The following SOCS3 variants were observed in gnomAD, a reference collection of about 807,000 sequenced individuals.
SOCS3 encodes STAT-induced STAT inhibitor 3.
A neutral mutation model predicts 11.7 loss-of-function variants in SOCS3; 5 were observed. That is an observed-to-expected ratio of 0.43 (90% confidence interval 0.22 to 0.90). The LOEUF is 0.90. SOCS3 is among the 40% of genes least tolerant of loss of function. SOCS3 has a pLI of 0.27. For missense variants in SOCS3, 203 were observed against 302.0 expected (o/e 0.67, Z 2.43); for synonymous variants, 143 against 136.3 (o/e 1.05, Z -0.34).
upstream of SOCS3, chr17:78,360,384 C>A (rs1386949369): frequency 2.0e-5 from 3 of 150,604 alleles, no homozygotes; most frequent in Non-Finnish European, 3.0e-5. This position sits in a 1 kb window ranked among gnomAD's most constrained non-coding sequence, Gnocchi z 5.6. Context: ...CCGCCCCCAA[C>A]TTCTCATTCA....
At position 78,357,111 on chromosome 17, in the gene SOCS3, CCCA is replaced by C. The variant is rs2081573548; in HGVS notation, c.*1304_*1306del. 1 of 152,272 alleles carries C rather than the reference CCCA, an allele frequency of 6.6e-6. No individual in the cohort carries two copies. The highest frequency in any genetic ancestry group is 2.1e-4 in the South Asian group (1 of 4,820). 9.4% of individuals were successfully genotyped at this position (152,272 alleles called of 1,614,324 possible). On this transcript the variant is annotated 3_prime_UTR_variant, in exon 2 of 2. Transcript: ENST00000330871. This position sits in a 1 kb window ranked among gnomAD's most constrained non-coding sequence, Gnocchi z 7.0. ...CTTTGTGTTTGTTTAGTTGCCCCCCCCCACAAAAACAAAAACAAAAACAAAAAC... is the reference window on the plus strand; with the variant it reads ...CTTTGTGTTTGTTTAGTTGCCCCCCCCAAAAACAAAAACAAAAACAAAAAC...
chr17:78,358,168 C>T lies in SOCS3; in HGVS notation c.*250G>A, dbSNP rs2145991230. 1 of 508,152 alleles carries T rather than the reference C, an allele frequency of 2.0e-6. No individual in the cohort carries two copies. The highest frequency in any genetic ancestry group is 5.2e-4 in the Middle Eastern group (1 of 1,934). The allele number at this position is 508,152 out of a possible 1,614,324, so 31.5% of individuals were successfully genotyped here. ...AGAATCCACTTGTGGTTGCTATCGT[C>T]CCACCAGGACAGCTGGCTCCTCCGG... is the stretch of plus-strand genomic sequence containing the variant. On this transcript the variant is annotated 3_prime_UTR_variant, in exon 2 of 2. Transcript: ENST00000330871. The surrounding 1 kb of genome is among the most constrained non-coding windows in gnomAD (Gnocchi z 4.7).
At chr17:78,359,579 C>G (rs990927255) in intron 1 of SOCS3, among the ~76,000 whole-genome samples, 171 bp downstream of exon 1, 2 of 152,106 alleles carry the variant, frequency 1.3e-5, no homozygotes, top group Admixed American at 6.5e-5. Context: ...CAGGAGAAGC[C>G]CGAAGGCCCC....
At chr17:78,360,389 C>T (rs890804334), upstream of SOCS3, 1 of 150,538 alleles carries the variant, frequency 6.6e-6, no homozygotes, top group African/African-American at 2.4e-5. This position sits in a 1 kb window ranked among gnomAD's most constrained non-coding sequence, Gnocchi z 5.6. Flanking sequence ...CCCAACTTCT[C>T]ATTCACACTT....
In SOCS3 at chr17:78,358,919, C is replaced by T. The variant is rs779445377; in HGVS notation, c.177G>A (p.Leu59=). The change falls in exon 2 of 2, where the codon CTG becomes CTA. Residue 59 remains leucine (L), a synonymous_variant. Transcript: ENST00000330871. This position sits in a 1 kb window ranked among gnomAD's most constrained non-coding sequence, Gnocchi z 4.7. The stretch of plus-strand genomic sequence containing the variant: ...AGGTGCCGGCGGGCTCGGCACTGAG[C>T]AGCAGGTTCGCCTCGCCGCCGGTCA... The part of the protein sequence containing the change: ...SAVTGGEANL[L]LSAEPAGTFL... 3.8e-6 allele frequency: 6 copies of T among 1,599,660 alleles called. No individual in the cohort carries two copies. The highest frequency in any genetic ancestry group is 5.1e-6 in the Non-Finnish European group (6 of 1,174,394).
upstream of SOCS3, among the ~76,000 whole-genome samples, chr17:78,360,281 C>A (rs1326322034): frequency 1.3e-5 from 2 of 150,806 alleles, no homozygotes; most frequent in East Asian, 3.9e-4. The surrounding 1 kb of genome is among the most constrained non-coding windows in gnomAD (Gnocchi z 5.6). Context: ...CGCGCGGAGA[C>A]AAAGCGCGAC....
Position 78,357,181 on chromosome 17 carries a change from T to C in SOCS3, c.*1237A>G, listed in dbSNP as rs992896286. ...TAATTCCATCGCTGCTACATTCCTG[T>C]AAATTGTCACTGATCAGTGCTATGG... On this transcript the variant is annotated 3_prime_UTR_variant, in exon 2 of 2. Transcript: ENST00000330871. The surrounding 1 kb of genome is among the most constrained non-coding windows in gnomAD (Gnocchi z 7.0). 6.6e-6 allele frequency: 1 copy of C among 151,884 alleles called. No homozygotes were observed. The highest frequency in any genetic ancestry group is 1.5e-5 in the Non-Finnish European group (1 of 67,992). The allele number at this position is 151,884 out of a possible 1,614,324, so 9.4% of individuals were successfully genotyped here. A position where few individuals can be genotyped will look rare whatever the true frequency, so the allele number is the denominator to read the frequency against.
chr17:78,360,627 A>T (rs2081605161), upstream of SOCS3: 1 of 152,306 alleles, frequency 6.6e-6, no homozygotes, highest in Non-Finnish European at 1.5e-5. This position sits in a 1 kb window ranked among gnomAD's most constrained non-coding sequence, Gnocchi z 5.6. Context: ...GGGCTACCCC[A>T]CAGCCAGGCA....
chr17:78,359,691 C>CGG (rs2081596441), intron 1 of SOCS3, 59 bp downstream of exon 1: 1 of 152,588 alleles, frequency 6.6e-6, no homozygotes, highest in Non-Finnish European at 1.5e-5. Context: ...GAGGGGAAAC[C>CGG]GGGAAAAGCT....
At position 78,358,496 on chromosome 17, in the gene SOCS3, G is replaced by A; in HGVS notation, c.600C>T (p.His200=). 2 of 1,613,814 alleles carry A rather than the reference G, an allele frequency of 1.2e-6. No individual in the cohort carries two copies. The highest frequency in any genetic ancestry group is 1.3e-5 in the African/African-American group (1 of 75,024). Residue 200 remains histidine (H), a synonymous_variant, in exon 2 of 2, where the codon CAC becomes CAT. Coordinates refer to ENST00000330871, the MANE Select transcript of SOCS3 (RefSeq NM_003955.5). This position sits in a 1 kb window ranked among gnomAD's most constrained non-coding sequence, Gnocchi z 4.7. ...GGGTGACTTTCTCATAGGAGTCCAG[G>A]TGGCCGTTGACGGTCTTCCGACAGA... ...QHLCRKTVNG[H]LDSYEKVTQL... is the part of the protein sequence containing the mutation.
chr17:78,359,498 G>A (rs2081594830), intron 1 of SOCS3, among the ~76,000 whole-genome samples: 1 of 152,130 alleles, frequency 6.6e-6, no homozygotes, highest in South Asian at 2.1e-4. Context: ...CTGCCTGGGC[G>A]CCGCTCAGTC....
Position 78,358,764 on chromosome 17 carries a change from G to A in SOCS3, c.332C>T (p.Thr111Met). ...SFSLQSDPRSTQPVPRFDCVL... is the reference protein window; with the variant it reads ...SFSLQSDPRSMQPVPRFDCVL... ...GCAGTCGAAGCGGGGCACGGGCTGC[G>A]TGCTCCGGGGATCGCTCTGCAGAGA... The change falls in exon 2 of 2, where the codon ACG (threonine) becomes ATG (methionine). Residue 111 changes from threonine to methionine, a missense_variant. By Grantham distance (81) the Thr-to-Met change is moderately conservative (BLOSUM62 -1). This residue lies in a region of SOCS3 where 141 missense variants were observed against 200.5 expected (regional missense o/e 0.70). Transcript: ENST00000330871. This position sits in a 1 kb window ranked among gnomAD's most constrained non-coding sequence, Gnocchi z 4.7. 6.2e-7 allele frequency: 1 copy of A among 1,612,966 alleles called. No homozygotes were observed. Among genetic ancestry groups the A allele is most frequent in the Non-Finnish European group, 8.5e-7 (1 of 1,179,892 alleles).
chr17:78,359,208 G>T, intron 1 of SOCS3, 25 bp from the exon 2 acceptor site: 1 of 1,195,744 alleles, frequency 8.4e-7, no homozygotes, highest in Non-Finnish European at 1.1e-6. Context: ...GCGCGAGCGC[G>T]TTGAGTGCCC....
chr17:78,359,294 G>A (rs1386138789), intron 1 of SOCS3, 111 bp from the exon 2 acceptor site: 29 of 484,112 alleles, frequency 6.0e-5, no homozygotes, highest in Non-Finnish European at 9.7e-5. Context: ...CTGCCCCGGG[G>A]GCCCTCTCCT....
Position 78,357,658 on chromosome 17 carries a change from G to A in SOCS3, c.*760C>T, listed in dbSNP as rs1567910354. On this transcript the variant is annotated 3_prime_UTR_variant, in exon 2 of 2. Coordinates refer to ENST00000330871, the MANE Select transcript of SOCS3 (RefSeq NM_003955.5). The surrounding 1 kb of genome is among the most constrained non-coding windows in gnomAD (Gnocchi z 7.0). ...CCATCCTCCCGCTCCATCCACCCAG[G>A]TACAGGAAGGTATAGTATGAGTAGG... 1 of 152,306 alleles carries A rather than the reference G, an allele frequency of 6.6e-6. No individual in the cohort carries two copies. The highest frequency in any genetic ancestry group is 1.5e-5 in the Non-Finnish European group (1 of 68,162). The allele number at this position is 152,306 out of a possible 1,614,324, so 9.4% of individuals were successfully genotyped here. A position where few individuals can be genotyped will look rare whatever the true frequency, so the allele number is the denominator to read the frequency against.
At position 78,357,058 on chromosome 17, in the gene SOCS3, T is replaced by C. The variant is rs2081572880; in HGVS notation, c.*1360A>G. On this transcript the variant is annotated 3_prime_UTR_variant, in exon 2 of 2. Coordinates refer to ENST00000330871, the MANE Select transcript of SOCS3 (RefSeq NM_003955.5). This position sits in a 1 kb window ranked among gnomAD's most constrained non-coding sequence, Gnocchi z 7.0. ...AAACCACCCCAACACACAACTGCCC[T>C]GTCCAGCCCAATACCTGACACAGAA... 6.6e-6 allele frequency: 1 copy of C among 152,114 alleles called. No individual in the cohort carries two copies. The highest frequency in any genetic ancestry group is 1.5e-5 in the Non-Finnish European group (1 of 67,896). 9.4% of individuals were successfully genotyped at this position (152,114 alleles called of 1,614,324 possible).
rs767631009 is a variant in SOCS3 at position 78,358,829 on chromosome 17, C to T, written c.267G>A (p.Gly89=). The T allele has an allele frequency of 6.2e-7, 1 of 1,613,030 alleles. No individual in the cohort carries two copies. The highest frequency in any genetic ancestry group is 8.5e-7 in the Non-Finnish European group (1 of 1,179,884). ...CACACTGGATGCGCAGGTTCTTGGT[C>T]CCAGACTGGGTCTTGACGCTGAGCG... ...FFTLSVKTQS[G]TKNLRIQCEG... Residue 89 remains glycine, a synonymous_variant, in exon 2 of 2, where the codon GGG becomes GGA. Coordinates refer to ENST00000330871, the MANE Select transcript of SOCS3 (RefSeq NM_003955.5). The surrounding 1 kb of genome is among the most constrained non-coding windows in gnomAD (Gnocchi z 4.7).
At position 78,358,735 on chromosome 17, in the gene SOCS3, G is replaced by C; in HGVS notation, c.361C>G (p.Leu121Val). The change falls in exon 2 of 2, where the codon CTC (leucine) becomes GTC (valine). Residue 121 changes from leucine to valine, a missense_variant. Transcript: ENST00000330871. The surrounding 1 kb of genome is among the most constrained non-coding windows in gnomAD (Gnocchi z 4.7). ...TQPVPRFDCVLKLVHHYMPPP... is the reference protein window; with the variant it reads ...TQPVPRFDCVVKLVHHYMPPP... ...GGCATGTAGTGGTGCACCAGCTTGAGCACGCAGTCGAAGCGGGGCACGGGC... is the reference window on the plus strand; with the variant it reads ...GGCATGTAGTGGTGCACCAGCTTGACCACGCAGTCGAAGCGGGGCACGGGC... The C allele has an allele frequency of 1.2e-6, 2 of 1,612,804 alleles. No individual in the cohort carries two copies. The highest frequency in any genetic ancestry group is 1.1e-5 in the South Asian group (1 of 91,064).
chr17:78,360,077 C>G lies in SOCS3; in HGVS notation c.-416G>C, dbSNP rs1385401874. 5.6e-6 allele frequency: 1 copy of G among 178,908 alleles called. No individual in the cohort carries two copies. Among genetic ancestry groups the G allele is most frequent in the Non-Finnish European group, 1.2e-5 (1 of 84,592 alleles). 11.1% of individuals were successfully genotyped at this position (178,908 alleles called of 1,614,324 possible). ...CGGAGCAGGGAGTCCAAGTCGGAGC[C>G]GCCGCGGAGGCCGCGCTCGCGGGTA... is the stretch of plus-strand genomic sequence containing the variant. On this transcript the variant is annotated 5_prime_UTR_variant, in exon 1 of 2. Transcript: ENST00000330871. This position sits in a 1 kb window ranked among gnomAD's most constrained non-coding sequence, Gnocchi z 5.6.
Sources: gnomAD v4.1 joint callset for allele counts (sites outside exome capture counted in the v4.1 genomes callset) on GRCh38, gnomAD v4.1.1 for gene constraint, gnomAD v4.1.1 regional missense constraint, Gnocchi (gnomAD v3.1) non-coding constraint, MANE v1.5 for transcripts, NCBI Gene and HGNC (gene_info 2026-07-23, HGNC 2026-07-21) for gene names.